The following NBPF15 variants were observed in gnomAD, a reference collection of about 807,000 sequenced individuals.
NBPF15 encodes the protein NBPF family member NBPF15.
NBPF15 carries 74 observed loss-of-function variants against 62.2 expected under a neutral mutation model. The observed-to-expected ratio is 1.19, with a 90% CI of 0.99 to 1.44. The LOEUF (loss-of-function observed/expected upper bound fraction) is 1.44. Ranked by LOEUF, NBPF15 falls within the 40% of genes most tolerant of loss-of-function variation. The pLI is 0.00. For synonymous variants in NBPF15, 244 were observed against 209.7 expected (o/e 1.16, Z -1.41); for missense variants, 790 against 550.0 (o/e 1.44, Z -4.36).
Position 144,457,156 on chromosome 1 carries a change from A to G in NBPF15, c.-700-351T>C, listed in dbSNP as rs868971933. 2.8e-3 allele frequency among the ~76,000 whole-genome samples: 419 copies of G among 151,162 alleles called. 3 individuals carry two copies. Among genetic ancestry groups the G allele is most frequent in the African/African-American group, 9.5e-3 (394 of 41,284 alleles). On this transcript the variant is annotated intron_variant, in intron 3 of 21. Coordinates refer to ENST00000581897, the MANE Select transcript of NBPF15 (RefSeq NM_001385408.1). ...GCACCACTGAACTCCAGCCTGGGGGAAAAAAAAATAAAGAGTCCTGACTAA... is the reference window on the plus strand; with the variant it reads ...GCACCACTGAACTCCAGCCTGGGGGGAAAAAAAATAAAGAGTCCTGACTAA...
At chr1:144,444,661 C>T (rs1468447065) in intron 6 of NBPF15, among the ~76,000 whole-genome samples, 1 of 151,910 alleles carries the variant, frequency 6.6e-6, no homozygotes, top group Non-Finnish European at 1.5e-5. Flanking sequence ...CTTCCACATA[C>T]ACATATAGCT....
In NBPF15 at chr1:144,424,093, A is replaced by T; in HGVS notation, c.1664-118T>A. 3 of 750,558 alleles carry T rather than the reference A, an allele frequency of 4.0e-6. No individual in the cohort carries two copies. The South Asian group carries it at 4.2e-5, about 10-fold the overall frequency. 46.5% of individuals were successfully genotyped at this position (750,558 alleles called of 1,614,324 possible). ...CTCCTCAGCATAAGAATACGACACC[A>T]TGAGAGATATATTTCAGGAGGTCTG... On this transcript the variant is annotated intron_variant, in intron 20 of 21. Coordinates refer to ENST00000581897, the MANE Select transcript of NBPF15 (RefSeq NM_001385408.1).
chr1:144,441,573 T>A (rs1276868235), intron 6 of NBPF15, among the ~76,000 whole-genome samples: 1 of 149,628 alleles, frequency 6.7e-6, no homozygotes, highest in Non-Finnish European at 1.5e-5. Flanking sequence ...TAATTATTCC[T>A]GGTCTAGAGA....
intron 12 of NBPF15, among the ~76,000 whole-genome samples, chr1:144,434,464 G>A (rs1348906868): frequency 2.1e-5 from 3 of 146,156 alleles, no homozygotes; most frequent in Admixed American, 1.4e-4. Context: ...TGGTGCCACT[G>A]CACTCCAGCC....
chr1:144,428,832 G>T (rs1425628218), intron 14 of NBPF15, among the ~76,000 whole-genome samples, 175 bp from the exon 15 acceptor site: 2 of 151,890 alleles, frequency 1.3e-5, no homozygotes, highest in Admixed American at 1.3e-4. Flanking sequence ...ACTGGCTTGG[G>T]TTCTTTCATG....
rs782688435 is a variant in NBPF15 at position 144,423,072 on chromosome 1, TA to T, written c.1953del (p.Phe651LeufsTer3). ...AGGTGGAGACTTGTCACCGTCAAAG[TA>T]AAAAACCTATTGTCCACGTAAAGGG... is the stretch of plus-strand genomic sequence containing the variant. ...SFALYVDNRF[F>X]TLTVTSLHLV... is the part of the protein sequence containing the mutation. On this transcript the variant is annotated frameshift_variant, in exon 22 of 22. Coordinates refer to ENST00000581897, the MANE Select transcript of NBPF15 (RefSeq NM_001385408.1). LOFTEE classifies it high-confidence loss of function. The T allele has an allele frequency of 1.9e-6, 3 of 1,611,562 alleles. No homozygotes were observed. The highest frequency in any genetic ancestry group is 1.7e-5 in the Admixed American group (1 of 59,964).
chr1:144,442,283 G>GTATATA (rs1225263498), intron 6 of NBPF15, among the ~76,000 whole-genome samples: 1 of 111,446 alleles, frequency 9.0e-6, no homozygotes, highest in Non-Finnish European at 1.8e-5. Context: ...ATATACACGT[G>GTATATA]TATATATTAT....
chr1:144,428,090 A>T (rs1316194069), intron 15 of NBPF15, 100 bp from the exon 16 acceptor site: 2 of 738,422 alleles, frequency 2.7e-6, no homozygotes, highest in East Asian at 2.5e-5. Flanking sequence ...GTTTGAAAAG[A>T]AAAAGGACAG....
intron 8 of NBPF15, among the ~76,000 whole-genome samples, chr1:144,438,517 A>G (rs1553541865): frequency 1.3e-5 from 2 of 152,030 alleles, no homozygotes; most frequent in Non-Finnish European, 1.5e-5. Context: ...TTTGATTTTT[A>G]AATCATATCT....
intron 16 of NBPF15, 121 bp from the exon 17 acceptor site, chr1:144,427,219 A>G (rs2101695033): frequency 2.9e-6 from 2 of 679,278 alleles, no homozygotes; most frequent in South Asian, 3.3e-5. Flanking sequence ...GGACACTGTG[A>G]GAGATATTCT....
At chr1:144,428,178 G>T (rs1671262426) in intron 15 of NBPF15, among the ~76,000 whole-genome samples, 188 bp from the exon 16 acceptor site, 2 of 132,470 alleles carry the variant, frequency 1.5e-5, no homozygotes, top group African/African-American at 2.9e-5. Context: ...GAAAGAGAAA[G>T]ACACACACAC....
In NBPF15 at chr1:144,423,861, G is replaced by A. The variant is rs1667560475; in HGVS notation, c.1769+9C>T. ...ACAGAATTAAGCATCCACAATTGCTGAAAGTTACCTGGGGCATGGTGGGTT... is the reference window on the plus strand; with the variant it reads ...ACAGAATTAAGCATCCACAATTGCTAAAAGTTACCTGGGGCATGGTGGGTT... On this transcript the variant is annotated intron_variant, in intron 21 of 21. Coordinates refer to ENST00000581897, the MANE Select transcript of NBPF15 (RefSeq NM_001385408.1). 2.6e-6 allele frequency: 2 copies of A among 766,402 alleles called. No individual in the cohort carries two copies. Among genetic ancestry groups the A allele is most frequent in the Admixed American group, 1.7e-5 (1 of 58,956 alleles). 47.5% of individuals were successfully genotyped at this position (766,402 alleles called of 1,614,324 possible). A position where few individuals can be genotyped will look rare whatever the true frequency, so the allele number is the denominator to read the frequency against.
At chr1:144,428,044 A>T (rs1289129917) in intron 15 of NBPF15, 54 bp from the exon 16 acceptor site, 2 of 784,952 alleles carry the variant, frequency 2.5e-6, no homozygotes, top group Non-Finnish European at 4.7e-6. Flanking sequence ...GAAACCACAC[A>T]GTCCCAGCTA....
chr1:144,445,853 C>CT (rs1229682742), intron 6 of NBPF15, among the ~76,000 whole-genome samples: 9,276 of 105,392 alleles, frequency 0.088, 749 homozygotes, highest in Non-Finnish European at 0.14. Context: ...GTTGACTTTC[C>CT]TTTTTTTTTT....
chr1:144,442,388 T>A (rs1317208887), intron 6 of NBPF15, among the ~76,000 whole-genome samples: 1 of 141,266 alleles, frequency 7.1e-6, no homozygotes, highest in Non-Finnish European at 1.5e-5. Flanking sequence ...ATATATATTA[T>A]ACAATATATA....
rs1390302859 is a variant in NBPF15, at chr1:144,425,636, C to T, written c.1439-68G>A. On this transcript the variant is annotated intron_variant, in intron 18 of 21. Coordinates refer to ENST00000581897, the MANE Select transcript of NBPF15 (RefSeq NM_001385408.1). The stretch of plus-strand genomic sequence containing the variant: ...ACCTACACCCATAACAGTCCACTGT[C>T]TAATCCCCACACAGGGATCTCAGGC... The T allele has an allele frequency of 6.1e-3, 3,403 of 558,848 alleles. 117 individuals are homozygous for T. The African/African-American group carries it at 0.075, about 12-fold the overall frequency. 34.6% of individuals were successfully genotyped at this position (558,848 alleles called of 1,614,324 possible).
rs1445962518 is a variant in NBPF15, at chr1:144,429,228, T to C, written c.988+472A>G. 2.0e-5 allele frequency among the ~76,000 whole-genome samples: 3 copies of C among 149,758 alleles called. 1 individual carries two copies. Among genetic ancestry groups the C allele is most frequent in the African/African-American group, 7.6e-5 (3 of 39,296 alleles). On this transcript the variant is annotated intron_variant, in intron 14 of 21. Coordinates refer to ENST00000581897, the MANE Select transcript of NBPF15 (RefSeq NM_001385408.1). ...ACTTAGAAGACACAGAAAATGGGAA[T>C]AAATTCAGTGAAACCTGGGTCACAT... is the stretch of plus-strand genomic sequence containing the variant.
chr1:144,424,004 C>T (rs1667690481), intron 20 of NBPF15, 29 bp from the exon 21 acceptor site: 3 of 763,658 alleles, frequency 3.9e-6, no homozygotes, highest in South Asian at 1.3e-5. Flanking sequence ...TGGACAGACA[C>T]ATTAAGCTGA....
At chr1:144,428,348 T>A (rs1553539724) in intron 15 of NBPF15, among the ~76,000 whole-genome samples, 2 of 151,956 alleles carry the variant, frequency 1.3e-5, no homozygotes, top group Admixed American at 6.6e-5. Context: ...TAAAATGTGC[T>A]CAAGTTTCCC....
Sources: allele counts gnomAD v4.1 joint callset (sites outside exome capture counted in the v4.1 genomes callset), GRCh38; gene constraint gnomAD v4.1.1; transcripts MANE v1.5; gene names NCBI Gene and HGNC (gene_info 2026-07-23, HGNC 2026-07-21).